CABLES1: variants seen among roughly 807,000 people sequenced by gnomAD.
CABLES1 encodes Cdk5 and Abl enzyme substrate 1.
In CABLES1, 36 loss-of-function variants were observed where a neutral mutation model predicts 57.8. That is an observed-to-expected ratio of 0.62 (90% CI 0.48 to 0.82). The LOEUF is 0.82. CABLES1 is among the 40% of genes least tolerant of loss of function. The pLI is 0.00. For missense variants in CABLES1, 767 were observed against 836.6 expected, an observed-to-expected ratio of 0.92 and a Z score of 1.03; for synonymous variants, 374 against 363.0, an observed-to-expected ratio of 1.03 and a Z score of -0.35.
intron 1 of CABLES1, among the ~76,000 whole-genome samples, chr18:23,175,095 C>G (rs138209306): frequency 6.6e-6 from 1 of 151,970 alleles, no homozygotes; most frequent in Non-Finnish European, 1.5e-5. Flanking sequence ...TGATTATATC[C>G]TTACTGTACA....
chr18:23,179,338 C>T (rs1008411250), intron 1 of CABLES1, among the ~76,000 whole-genome samples: 2 of 152,126 alleles, frequency 1.3e-5, no homozygotes, highest in East Asian at 3.8e-4. Flanking sequence ...AAAATCTAAC[C>T]ATCCCTCCTT....
chr18:23,155,536 G>A (rs2046959707), intron 1 of CABLES1, among the ~76,000 whole-genome samples: 1 of 152,222 alleles, frequency 6.6e-6, no homozygotes, highest in Admixed American at 6.5e-5. Context: ...CCTGGCAAAA[G>A]TAATGGAGGT....
At chr18:23,165,534 C>G (rs2047036342) in intron 1 of CABLES1, among the ~76,000 whole-genome samples, 1 of 151,940 alleles carries the variant, frequency 6.6e-6, no homozygotes, top group South Asian at 2.1e-4. Context: ...CCTCCTGCCC[C>G]CCCAGTCCCT....
chr18:23,246,583 G>GCA (rs2047894207), intron 7 of CABLES1, among the ~76,000 whole-genome samples: 1 of 151,802 alleles, frequency 6.6e-6, no homozygotes, highest in Non-Finnish European at 1.5e-5. Context: ...AGTAGAGATG[G>GCA]GGTTTCACCG....
chr18:23,185,327 T>C (rs1265679505), intron 1 of CABLES1, among the ~76,000 whole-genome samples: 1 of 151,890 alleles, frequency 6.6e-6, no homozygotes, highest in Non-Finnish European at 1.5e-5. Flanking sequence ...TCAGCTGGAG[T>C]GTTCTCCACA....
intron 4 of CABLES1, among the ~76,000 whole-genome samples, chr18:23,218,647 C>T (rs2047462144): frequency 7.4e-6 from 1 of 135,166 alleles, no homozygotes. Flanking sequence ...CTCCCGCATC[C>T]TCACTTGCCC....
intron 8 of CABLES1, 89 bp from the exon 9 acceptor site, chr18:23,253,640 A>G: frequency 9.0e-7 from 1 of 1,112,186 alleles, no homozygotes; most frequent in Non-Finnish European, 1.3e-6. Context: ...AAAGAGAAAG[A>G]GAAAAAGCAT....
Position 23,136,569 on chromosome 18 carries a change from C to A in CABLES1, c.807C>A (p.Gly269=). 1 of 1,522,652 alleles carries A rather than the reference C, an allele frequency of 6.6e-7. No homozygotes were observed. Among genetic ancestry groups the A allele is most frequent in the South Asian group, 1.2e-5 (1 of 82,626 alleles). 94.3% of individuals were successfully genotyped at this position (1,522,652 alleles called of 1,614,324 possible). A position where few individuals can be genotyped will look rare whatever the true frequency, so the allele number is the denominator to read the frequency against. ...GCTCCCTGGAGCAGCCAGGCCAGGGCGGCAGCACCAGCGCCTTCGAGCAGC... is the reference window on the plus strand; with the variant it reads ...GCTCCCTGGAGCAGCCAGGCCAGGGAGGCAGCACCAGCGCCTTCGAGCAGC... ...NYCSLEQPGQ[G]GSTSAFEQLQ... is the part of the protein sequence containing the mutation. The change falls in exon 1 of 10, where the codon GGC becomes GGA. Residue 269 remains glycine (G), a synonymous_variant. Coordinates refer to ENST00000256925, the MANE Select transcript of CABLES1 (RefSeq NM_001100619.3).
chr18:23,186,637 G>T (rs2047204964), intron 1 of CABLES1, among the ~76,000 whole-genome samples: 2 of 152,034 alleles, frequency 1.3e-5, no homozygotes, highest in Non-Finnish European at 2.9e-5. Context: ...GGCCATGCTG[G>T]TCTCAAACTC....
intron 1 of CABLES1, among the ~76,000 whole-genome samples, chr18:23,175,951 G>A (rs10163868): frequency 0.011 from 1,609 of 152,204 alleles, 19 homozygotes; most frequent in African/African-American, 0.031. Flanking sequence ...TAAAAAAAAA[G>A]AATAAAGTCA....
chr18:23,229,523 C>A (rs181797800), intron 4 of CABLES1, among the ~76,000 whole-genome samples: 2 of 152,346 alleles, frequency 1.3e-5, no homozygotes, highest in African/African-American at 4.8e-5. Flanking sequence ...TAATTACTTT[C>A]AGCTGCAGTT....
chr18:23,249,007 GGCGCTGGC>G (rs2047972962), intron 7 of CABLES1, among the ~76,000 whole-genome samples: 1 of 152,210 alleles, frequency 6.6e-6, no homozygotes, highest in African/African-American at 2.4e-5. Context: ...TTGGGAAACT[GGCGCTGGC>G]ACTGGCTGCT....
At chr18:23,185,246 G>A (rs1269427145) in intron 1 of CABLES1, among the ~76,000 whole-genome samples, 2 of 152,074 alleles carry the variant, frequency 1.3e-5, no homozygotes, top group East Asian at 3.9e-4. Context: ...GATTTTCTAG[G>A]GTGAAACACA....
chr18:23,156,512 T>C (rs920985484), intron 1 of CABLES1, among the ~76,000 whole-genome samples: 1 of 152,196 alleles, frequency 6.6e-6, no homozygotes, highest in African/African-American at 2.4e-5. Flanking sequence ...TTATACAACT[T>C]TTAGCTAATA....
chr18:23,203,350 C>CGGG (rs2047339765), intron 3 of CABLES1, among the ~76,000 whole-genome samples: 1 of 151,982 alleles, frequency 6.6e-6, no homozygotes, highest in Non-Finnish European at 1.5e-5. Flanking sequence ...GAGCTATCTC[C>CGGG]TCCCTTGGGA....
Position 23,232,786 on chromosome 18 carries a change from C to T in CABLES1, c.1089-1822C>T, listed in dbSNP as rs543884086. ...CTTGGGCATTTCTGTTAATTAGACT[C>T]CACATTATGGGTAGGATAAGGGAGC... On this transcript the variant is annotated intron_variant, in intron 4 of 9. Transcript: ENST00000256925. 1.3e-3 allele frequency among the ~76,000 whole-genome samples: 202 copies of T among 152,284 alleles called. 1 individual carries two copies. The highest frequency in any genetic ancestry group is 5.4e-3 in the South Asian group (26 of 4,822).
chr18:23,224,802 C>G (rs987817633), intron 4 of CABLES1, among the ~76,000 whole-genome samples: 4 of 152,044 alleles, frequency 2.6e-5, no homozygotes, highest in African/African-American at 9.7e-5. Flanking sequence ...ATCTCCTGAC[C>G]TCGTGATCTG....
intron 3 of CABLES1, among the ~76,000 whole-genome samples, chr18:23,212,788 A>G (rs1402210946): frequency 2.6e-5 from 4 of 152,178 alleles, no homozygotes; most frequent in Admixed American, 2.6e-4. Flanking sequence ...AAAAAACTCC[A>G]TGAAGAGGGG....
intron 1 of CABLES1, 51 bp from the exon 2 acceptor site, chr18:23,188,786 AT>A: frequency 8.1e-7 from 1 of 1,231,352 alleles, no homozygotes. Flanking sequence ...CAAATGTCTG[AT>A]CAGTTCTGCA....
Sources: allele counts gnomAD v4.1 joint callset (sites outside exome capture counted in the v4.1 genomes callset), GRCh38; gene constraint gnomAD v4.1.1; transcripts MANE v1.5; gene names NCBI Gene and HGNC (gene_info 2026-07-23, HGNC 2026-07-21).